EIF4ENIF1: variants seen among roughly 807,000 people sequenced by gnomAD.
EIF4ENIF1 encodes eukaryotic translation initiation factor 4E nuclear import factor 1.
In EIF4ENIF1, 23 loss-of-function variants were observed where a neutral mutation model predicts 110.5. The ratio of observed to expected loss-of-function variants is 0.21; its 90% CI spans 0.15 to 0.29. EIF4ENIF1 has a LOEUF of 0.29. Among genes scored for constraint, EIF4ENIF1 ranks in the 10% least tolerant of loss-of-function variants. The pLI is 1.00. For synonymous variants in EIF4ENIF1, 440 were observed against 437.0 expected (o/e 1.01, Z -0.09); for missense variants, 1,031 against 1,221.1 (o/e 0.84, Z 2.32).
chr22:31,465,671 G>C (rs1408054849), intron 4 of EIF4ENIF1, among the ~76,000 whole-genome samples: 9 of 152,130 alleles, frequency 5.9e-5, no homozygotes, highest in Non-Finnish European at 8.8e-5. Context: ...TTAATCCTAG[G>C]TTTTTACCCA....
intron 1 of EIF4ENIF1, among the ~76,000 whole-genome samples, chr22:31,488,996 A>C (rs1195765484): frequency 6.6e-6 from 1 of 152,226 alleles, no homozygotes; most frequent in Non-Finnish European, 1.5e-5. Flanking sequence ...TATAACCTTT[A>C]AGCAGCTTTA....
At chr22:31,462,824 C>A in intron 6 of EIF4ENIF1, 108 bp downstream of exon 6, 1 of 1,143,348 alleles carries the variant, frequency 8.7e-7, no homozygotes, top group Non-Finnish European at 1.2e-6. Context: ...CTCAGGTGAT[C>A]CGCCCACCTC....
intron 10 of EIF4ENIF1, among the ~76,000 whole-genome samples, chr22:31,452,876 C>G (rs910383493): frequency 6.6e-6 from 1 of 152,074 alleles, no homozygotes; most frequent in Admixed American, 6.6e-5. Context: ...GTAGGTCAGT[C>G]CTGGCACTAA....
At chr22:31,454,610 T>C (rs912761423) in intron 9 of EIF4ENIF1, among the ~76,000 whole-genome samples, 1 of 152,182 alleles carries the variant, frequency 6.6e-6, no homozygotes, top group Non-Finnish European at 1.5e-5. Context: ...GGACCACAAC[T>C]ATGAAGTGCT....
chr22:31,465,787 TAAAC>T (rs1249446947), intron 4 of EIF4ENIF1, among the ~76,000 whole-genome samples: 1 of 152,160 alleles, frequency 6.6e-6, no homozygotes, highest in Non-Finnish European at 1.5e-5. Context: ...CATCAACAGA[TAAAC>T]GGATCAACTG....
intron 2 of EIF4ENIF1, among the ~76,000 whole-genome samples, chr22:31,485,404 T>C (rs2051980056): frequency 6.6e-6 from 1 of 152,162 alleles, no homozygotes; most frequent in South Asian, 2.1e-4. Context: ...CTAAAAATGA[T>C]GTAAGCATAA....
At chr22:31,489,212 C>T (rs1005023367) in intron 1 of EIF4ENIF1, 1 of 154,300 alleles carries the variant, frequency 6.5e-6, no homozygotes, top group Middle Eastern at 3.1e-3. Context: ...GGCCCGAGCG[C>T]CCCTCGCCAG....
At chr22:31,445,961 C>CCT (rs1555902735) in intron 14 of EIF4ENIF1, among the ~76,000 whole-genome samples, 2 of 148,248 alleles carry the variant, frequency 1.3e-5, no homozygotes, top group Admixed American at 1.3e-4. Flanking sequence ...CCGCCCCCCC[C>CCT]CCCCATCTAC....
intron 9 of EIF4ENIF1, 59 bp downstream of exon 9, chr22:31,455,077 T>C: frequency 3.4e-6 from 5 of 1,459,312 alleles, no homozygotes; most frequent in Non-Finnish European, 4.6e-6. Context: ...CCCAACTGCC[T>C]GAAGACTGAA....
At chr22:31,449,964 C>G (rs1841399455) in intron 11 of EIF4ENIF1, among the ~76,000 whole-genome samples, 1 of 152,124 alleles carries the variant, frequency 6.6e-6, no homozygotes, top group African/African-American at 2.4e-5. Flanking sequence ...CTCCTGACCT[C>G]AGGTGATCCA....
At chr22:31,474,949 A>G (rs1000798435) in intron 2 of EIF4ENIF1, among the ~76,000 whole-genome samples, 12 of 152,172 alleles carry the variant, frequency 7.9e-5, no homozygotes, top group Non-Finnish European at 1.5e-4. Flanking sequence ...CACTGATTCA[A>G]CATCTTGGGG....
At chr22:31,455,644 T>C (rs1475875085) in intron 8 of EIF4ENIF1, among the ~76,000 whole-genome samples, 1 of 152,122 alleles carries the variant, frequency 6.6e-6, no homozygotes, top group Non-Finnish European at 1.5e-5. Context: ...GTGATCTGCC[T>C]GCCTTGGCCT....
intron 1 of EIF4ENIF1, 193 bp downstream of exon 1, chr22:31,489,501 C>CCCCGCCAGCCAG (rs1396366649): frequency 1.3e-5 from 2 of 149,980 alleles, no homozygotes; most frequent in African/African-American, 4.9e-5. Flanking sequence ...GCGGCTCGGT[C>CCCCGCCAGCCAG]CCCGCCAGCC....
chr22:31,450,194 C>A, intron 11 of EIF4ENIF1, 95 bp downstream of exon 11: 1 of 944,440 alleles, frequency 1.1e-6, no homozygotes, highest in South Asian at 1.4e-5. Flanking sequence ...CAACACAGAT[C>A]ATTTTCTAAG....
At chr22:31,459,829 C>T (rs948842047) in intron 6 of EIF4ENIF1, among the ~76,000 whole-genome samples, 1 of 152,144 alleles carries the variant, frequency 6.6e-6, no homozygotes, top group Non-Finnish European at 1.5e-5. Flanking sequence ...TGAACCAAGA[C>T]CCCTGGATTC....
Position 31,489,686 on chromosome 22 carries a change from A to C in EIF4ENIF1, c.-28+8T>G. On this transcript the variant is annotated splice_region_variant and intron_variant, in intron 1 of 18. Coordinates refer to ENST00000330125, the MANE Select transcript of EIF4ENIF1 (RefSeq NM_019843.4). The stretch of plus-strand genomic sequence containing the variant: ...CCGGACCCAGCCGCCACCGCCGCCG[A>C]CCCTTACTCGGTGCCTCCGCCGCTC... The C allele has an allele frequency of 6.9e-6, 1 of 144,706 alleles. No homozygotes were observed. The highest frequency in any genetic ancestry group is 2.6e-5 in the African/African-American group (1 of 38,690). 9.0% of individuals were successfully genotyped at this position (144,706 alleles called of 1,614,324 possible).
rs765352567 is a variant in EIF4ENIF1, at chr22:31,450,362, T to TA, written c.1513-3dup. On this transcript the variant is annotated splice_region_variant and splice_polypyrimidine_tract_variant and intron_variant, in intron 10 of 18. Transcript: ENST00000330125. Reference sequence around the variant, plus strand: ...CATCAAATGGCTTTCAAGGTTTCGCTAAAAGAGTCAAAAGAAAACTGGTTT... The same window carrying TA: ...CATCAAATGGCTTTCAAGGTTTCGCTAAAAAGAGTCAAAAGAAAACTGGTTT... The TA allele has an allele frequency of 1.2e-6, 2 of 1,612,710 alleles. No homozygotes were observed. The highest frequency in any genetic ancestry group is 1.3e-5 in the African/African-American group (1 of 74,892).
chr22:31,450,694 A>G, intron 10 of EIF4ENIF1: 1 of 306,042 alleles, frequency 3.3e-6, no homozygotes, highest in Non-Finnish European at 6.3e-6. Flanking sequence ...CTTGCTACCC[A>G]TTACCTTTAA....
intron 5 of EIF4ENIF1, 128 bp from the exon 6 acceptor site, chr22:31,463,261 AC>A (rs2051057589): frequency 1.2e-6 from 1 of 812,650 alleles, no homozygotes; most frequent in Non-Finnish European, 1.9e-6. Context: ...GCCCATCACC[AC>A]CCCCACCCCT....
Sources: allele counts gnomAD v4.1 joint callset (sites outside exome capture counted in the v4.1 genomes callset), GRCh38; gene constraint gnomAD v4.1.1; transcripts MANE v1.5; gene names NCBI Gene and HGNC (gene_info 2026-07-23, HGNC 2026-07-21).